The following CDH23 variants were observed in gnomAD, a reference collection of about 807,000 sequenced individuals.
The protein encoded by CDH23 is cadherin related 23.
A neutral mutation model predicts 317.1 loss-of-function variants in CDH23; 189 were observed. The observed-to-expected ratio is 0.60, with a 90% confidence interval of 0.53 to 0.67. The LOEUF is 0.67. Ranked by LOEUF, CDH23 falls within the 30% of genes least tolerant of loss-of-function variation. The pLI is 0.00. For missense variants in CDH23, 4,401 were observed against 4,592.4 expected (o/e 0.96, Z 1.20); for synonymous variants, 1,839 against 1,876.8 (o/e 0.98, Z 0.52).
At chr10:71,454,589 C>T (rs1047904626) in intron 3 of CDH23, among the ~76,000 whole-genome samples, 2 of 152,148 alleles carry the variant, frequency 1.3e-5, no homozygotes, top group Admixed American at 1.3e-4. Flanking sequence ...CAGCAGTGTC[C>T]AGGTGGCCAA....
chr10:71,452,472 C>T (rs747258721), intron 3 of CDH23, among the ~76,000 whole-genome samples: 1 of 152,184 alleles, frequency 6.6e-6, no homozygotes, highest in Non-Finnish European at 1.5e-5. Context: ...CACTGCCGTG[C>T]CCTCAACCAT....
chr10:71,721,186 G>A lies in CDH23; in HGVS notation c.3370-2859G>A, dbSNP rs1487186039. On this transcript the variant is annotated intron_variant, in intron 28 of 69. Coordinates refer to ENST00000224721, the MANE Select transcript of CDH23 (RefSeq NM_022124.6). ...CATGCAAGGGCATGCTCTGGGCAAC[G>A]TGGCTCTCTTCACCATCCTGAGCCC... 3.9e-5 allele frequency among the ~76,000 whole-genome samples: 6 copies of A among 152,210 alleles called. No homozygotes were observed. In the East Asian group the frequency reaches 5.8e-4, roughly 15 times the overall value.
intron 3 of CDH23, among the ~76,000 whole-genome samples, chr10:71,503,505 T>C (rs1443675336): frequency 2.6e-5 from 4 of 152,224 alleles, no homozygotes; most frequent in Non-Finnish European, 5.9e-5. Flanking sequence ...GCAGGATTCA[T>C]TTATTTACCC....
At position 71,779,250 on chromosome 10, in the gene CDH23, C is replaced by A. The variant is rs1477366942; in HGVS notation, c.5188-17C>A. On this transcript the variant is annotated splice_polypyrimidine_tract_variant and intron_variant, in intron 40 of 69. Transcript: ENST00000224721. Reference sequence around the variant, plus strand: ...TGGCTGGGGTGAGGCCTTGGCTAAGCTTTTCCACCATCTCAGGTGCTTGTG... The same window carrying A: ...TGGCTGGGGTGAGGCCTTGGCTAAGATTTTCCACCATCTCAGGTGCTTGTG... 6.2e-7 allele frequency: 1 copy of A among 1,613,770 alleles called. No homozygotes were observed. The highest frequency in any genetic ancestry group is 8.5e-7 in the Non-Finnish European group (1 of 1,179,748).
At chr10:71,497,887 C>T (rs147077432) in intron 3 of CDH23, among the ~76,000 whole-genome samples, 1 of 152,226 alleles carries the variant, frequency 6.6e-6, no homozygotes, top group African/African-American at 2.4e-5. Flanking sequence ...TGCAAATATT[C>T]GGCCAAGTAG....
intron 28 of CDH23, among the ~76,000 whole-genome samples, chr10:71,718,793 G>A (rs760906088): frequency 3.3e-5 from 5 of 152,176 alleles, no homozygotes; most frequent in South Asian, 2.1e-4. Flanking sequence ...GAGGCCAGGC[G>A]TGTTGGCTCT....
In CDH23 at chr10:71,751,663, C is replaced by T. The variant is rs1840005608; in HGVS notation, c.4845+9742C>T. 1 of 1,524,256 alleles carries T rather than the reference C, an allele frequency of 6.6e-7. No individual in the cohort carries two copies. Among genetic ancestry groups the T allele is most frequent in the Admixed American group, 2.2e-5 (1 of 45,808 alleles). 94.4% of individuals were successfully genotyped at this position (1,524,256 alleles called of 1,614,324 possible). On this transcript the variant is annotated intron_variant, in intron 38 of 69. Coordinates refer to ENST00000224721, the MANE Select transcript of CDH23 (RefSeq NM_022124.6). This position sits in a 1 kb window ranked among gnomAD's most constrained non-coding sequence, Gnocchi z 4.9. ...ATCGTGCTGTGAAGGTCAGGAAACA[C>T]TTACCCAGGGATGGGAAGAAGACGT...
intron 14 of CDH23, among the ~76,000 whole-genome samples, chr10:71,661,605 G>T (rs1863652975): frequency 6.6e-6 from 1 of 152,112 alleles, no homozygotes; most frequent in Admixed American, 6.5e-5. Context: ...CCTGCCTTAG[G>T]ACATTCTGAT....
intron 9 of CDH23, among the ~76,000 whole-genome samples, chr10:71,615,131 G>T (rs374790060): frequency 6.6e-6 from 1 of 152,114 alleles, no homozygotes; most frequent in Non-Finnish European, 1.5e-5. Flanking sequence ...CCTGGCTGGC[G>T]TCCACTCCCT....
intron 38 of CDH23, among the ~76,000 whole-genome samples, chr10:71,764,701 A>G (rs1204720445): frequency 6.6e-6 from 1 of 151,786 alleles, no homozygotes; most frequent in Non-Finnish European, 1.5e-5. Context: ...GGCCTGCTTC[A>G]CTCTCTCACC....
At position 71,660,399 on chromosome 10, in the gene CDH23, G is replaced by C. The variant is rs1399579034; in HGVS notation, c.1449+13782G>C. The stretch of plus-strand genomic sequence containing the variant: ...TGTAAAAGCAGTATACAGATGACCA[G>C]CCTTGGGCGGCTCCTTCCAGCTCTC... On this transcript the variant is annotated intron_variant, in intron 14 of 69. Transcript: ENST00000224721. Among the ~76,000 whole-genome samples the C allele has an allele frequency of 2.0e-5, 3 of 152,142 alleles. No individual in the cohort carries two copies. In the East Asian group the frequency reaches 5.8e-4, roughly 29 times the overall value.
At position 71,706,986 on chromosome 10, in the gene CDH23, G is replaced by T. The variant is rs1395916456; in HGVS notation, c.3043G>T (p.Val1015Phe). ...GGACGTGCCACGCGAGTTCCGGGTG[G>T]TCTGGCTGAACTGCACGGACAACGA... ...SEDVPREFRV[V>F]WLNCTDNDVG... Residue 1015 changes from valine to phenylalanine, a missense_variant, in exon 26 of 70, where the codon GTC (valine) becomes TTC (phenylalanine). Physicochemically the swap from Val to Phe is conservative, Grantham distance 50. Coordinates refer to ENST00000224721, the MANE Select transcript of CDH23 (RefSeq NM_022124.6). The T allele has an allele frequency of 3.7e-6, 6 of 1,608,180 alleles. No homozygotes were observed. The highest frequency in any genetic ancestry group is 4.2e-6 in the Non-Finnish European group (5 of 1,177,430).
chr10:71,734,470 G>A (rs1839497874), intron 33 of CDH23, 129 bp downstream of exon 33: 1 of 1,502,192 alleles, frequency 6.7e-7, no homozygotes. Context: ...ATAGCCTGAG[G>A]CTTCGCCATG....
At chr10:71,530,171 G>A (rs953698656) in intron 6 of CDH23, among the ~76,000 whole-genome samples, 1 of 152,142 alleles carries the variant, frequency 6.6e-6, no homozygotes, top group Non-Finnish European at 1.5e-5. Context: ...CTAGGAGCCC[G>A]GGCTGGTGCT....
At position 71,761,692 on chromosome 10, in the gene CDH23, C is replaced by T. The variant is rs369497696; in HGVS notation, c.4846-15988C>T. The T allele has an allele frequency of 3.1e-6, 5 of 1,613,900 alleles. No homozygotes were observed. The African/African-American group carries it at 5.3e-5, about 17-fold the overall frequency. On this transcript the variant is annotated intron_variant, in intron 38 of 69. Transcript: ENST00000224721. The stretch of plus-strand genomic sequence containing the variant: ...CCAGGCAGCAGTAGAGGCCGCTATC[C>T]AGCAGGGTCAGGTTGCGCATGGTGA...
At chr10:71,545,888 G>C (rs1856249996) in intron 6 of CDH23, among the ~76,000 whole-genome samples, 1 of 152,168 alleles carries the variant, frequency 6.6e-6, no homozygotes, top group Non-Finnish European at 1.5e-5. Context: ...TGATTGCAGA[G>C]GCCACCCCCA....
chr10:71,499,890 G>A (rs752181948), intron 3 of CDH23, among the ~76,000 whole-genome samples: 4 of 151,802 alleles, frequency 2.6e-5, no homozygotes, highest in Admixed American at 6.6e-5. Context: ...GGTGGCACCC[G>A]CTTGTAATCC....
At position 71,793,484 on chromosome 10, in the gene CDH23, T is replaced by A. The variant is rs374194433; in HGVS notation, c.6556T>A (p.Ser2186Thr). 11 of 1,613,686 alleles carry A rather than the reference T, an allele frequency of 6.8e-6. No individual in the cohort carries two copies. The African/African-American group carries it at 9.3e-5, about 14-fold the overall frequency. ...NPIQTVSVLE[S>T]AEPGTVIANI... is the part of the protein sequence containing the mutation. ...CATCCAGACAGTGAGCGTGCTGGAG[T>A]CGGCTGAGCCAGGCACTGTCATTGC... The change falls in exon 48 of 70, where the codon TCG (serine) becomes ACG (threonine). Residue 2186 changes from serine to threonine, a missense_variant. Ser to Thr is a moderately conservative substitution (Grantham distance 58, BLOSUM62 1). This residue lies in a region of CDH23 where 3,068 missense variants were observed against 3,203.3 expected (regional missense o/e 0.96). Coordinates refer to ENST00000224721, the MANE Select transcript of CDH23 (RefSeq NM_022124.6).
chr10:71,634,635 G>A (rs1862174463), intron 11 of CDH23, among the ~76,000 whole-genome samples: 1 of 152,258 alleles, frequency 6.6e-6, no homozygotes, highest in African/African-American at 2.4e-5. Context: ...GAGGAAGGGA[G>A]AAGAGGACAT....
Sources: gnomAD v4.1 joint callset for allele counts (sites outside exome capture counted in the v4.1 genomes callset) on GRCh38, gnomAD v4.1.1 for gene constraint, gnomAD v4.1.1 regional missense constraint, Gnocchi (gnomAD v3.1) non-coding constraint, MANE v1.5 for transcripts, NCBI Gene and HGNC (gene_info 2026-07-23, HGNC 2026-07-21) for gene names.